The following TECPR2 variants were observed in gnomAD, a reference collection of about 807,000 sequenced individuals.
The protein encoded by TECPR2 is tectonin beta-propeller repeat-containing protein 2.
Under a neutral mutation model 138.1 loss-of-function variants are expected in TECPR2, and 65 were observed. The ratio of observed to expected loss-of-function variants is 0.47; its 90% CI spans 0.39 to 0.58. TECPR2 has a LOEUF of 0.58. Among genes scored for constraint, TECPR2 ranks in the 20% least tolerant of loss-of-function variants. TECPR2 has a pLI of 0.00. For synonymous variants in TECPR2, 746 were observed against 749.8 expected (o/e 0.99, Z 0.08); for missense variants, 1,553 against 1,824.5 (o/e 0.85, Z 2.71).
At chr14:102,440,062 A>C (rs1714678826) in intron 10 of TECPR2, among the ~76,000 whole-genome samples, 1 of 152,254 alleles carries the variant, frequency 6.6e-6, no homozygotes, top group South Asian at 2.1e-4. Flanking sequence ...GAGACTTATC[A>C]AACCTAATAA....
At chr14:102,435,437 C>A (rs1302181561) in intron 9 of TECPR2, among the ~76,000 whole-genome samples, 1 of 152,228 alleles carries the variant, frequency 6.6e-6, no homozygotes, top group African/African-American at 2.4e-5. Flanking sequence ...TAACCTGCCT[C>A]CCCAACCAAG....
chr14:102,425,720 C>T (rs368555500), intron 6 of TECPR2, among the ~76,000 whole-genome samples: 1 of 149,682 alleles, frequency 6.7e-6, no homozygotes, highest in East Asian at 2.0e-4. Context: ...GGATTACAGA[C>T]GCATGCCACC....
intron 2 of TECPR2, among the ~76,000 whole-genome samples, chr14:102,381,712 A>G (rs1000012304): frequency 9.9e-5 from 15 of 152,268 alleles, no homozygotes; most frequent in African/African-American, 2.9e-4. Context: ...GACCTGCTCT[A>G]AAGTCATTGC....
chr14:102,496,923 TCCTTTCTCTTGTCA>T, intron 17 of TECPR2, 42 bp from the exon 18 acceptor site: 1 of 1,596,750 alleles, frequency 6.3e-7, no homozygotes, highest in Admixed American at 1.7e-5. Flanking sequence ...AAGTCTCCTG[TCCTTTCTCTTGTCA>T]CCCAACTCCT....
chr14:102,480,451 C>G (rs28464871), intron 17 of TECPR2, among the ~76,000 whole-genome samples: 13,129 of 152,082 alleles, frequency 0.086, 721 homozygotes, highest in African/African-American at 0.17. Context: ...GTCTCGATCT[C>G]CTGACCTTGT....
intron 17 of TECPR2, among the ~76,000 whole-genome samples, chr14:102,486,461 A>C (rs1891028449): frequency 6.6e-6 from 1 of 152,180 alleles, no homozygotes; most frequent in Admixed American, 6.5e-5. Flanking sequence ...ACAAAATACA[A>C]AAAACACTCC....
intron 5 of TECPR2, among the ~76,000 whole-genome samples, chr14:102,418,761 G>A (rs890509747): frequency 7.9e-5 from 12 of 152,208 alleles, no homozygotes; most frequent in Admixed American, 3.3e-4. Flanking sequence ...TGGGTGATCC[G>A]GGTAGGAGAA....
Position 102,497,606 on chromosome 14 carries a change from C to T in TECPR2, c.3968C>T (p.Thr1323Ile), listed in dbSNP as rs1247477919. The T allele has an allele frequency of 6.2e-7, 1 of 1,608,410 alleles. No individual in the cohort carries two copies. Among genetic ancestry groups the T allele is most frequent in the Non-Finnish European group, 8.5e-7 (1 of 1,177,922 alleles). The stretch of plus-strand genomic sequence containing the variant: ...TGCCAGCTGGCGCTGAGCACCAGGA[C>T]CGTGTGGGCCCGCTGTCCAAACGGA... ...QACQLALSTR[T>I]VWARCPNGDL... The change falls in exon 19 of 20, where the codon ACC becomes ATC. Residue 1323 changes from threonine (T) to isoleucine (I), a missense_variant. Physicochemically the swap from Thr to Ile is moderately conservative, Grantham distance 89. Transcript: ENST00000359520.
intron 9 of TECPR2, among the ~76,000 whole-genome samples, chr14:102,435,516 T>C (rs1889642316): frequency 6.6e-6 from 1 of 152,194 alleles, no homozygotes; most frequent in Non-Finnish European, 1.5e-5. Context: ...TTAGCCATCG[T>C]AGGGCAGGGC....
Position 102,449,639 on chromosome 14 carries a change from C to G in TECPR2, c.3086C>G (p.Thr1029Arg). Residue 1029 changes from threonine (T) to arginine (R), a missense_variant, in exon 14 of 20, where the codon ACG becomes AGG. Physicochemically the swap from Thr to Arg is moderately conservative, Grantham distance 71. Coordinates refer to ENST00000359520, the MANE Select transcript of TECPR2 (RefSeq NM_014844.5). ...GTCTCCTCCTTCCAGGTGAGCATCACGGACTATGTGGTGTTTGACCAGTGC... is the reference window on the plus strand; with the variant it reads ...GTCTCCTCCTTCCAGGTGAGCATCAGGGACTATGTGGTGTTTGACCAGTGC... ...DDDHWWQVSITDYVVFDQCSL... is the reference protein window; with the variant it reads ...DDDHWWQVSIRDYVVFDQCSL... The G allele has an allele frequency of 6.2e-7, 1 of 1,614,096 alleles. No homozygotes were observed. Among genetic ancestry groups the G allele is most frequent in the Non-Finnish European group, 8.5e-7 (1 of 1,179,986 alleles).
chr14:102,422,462 C>T (rs921366268), intron 5 of TECPR2, among the ~76,000 whole-genome samples: 10 of 152,126 alleles, frequency 6.6e-5, no homozygotes, highest in African/African-American at 2.2e-4. Context: ...CTGAGTAGGA[C>T]GTACTGTACC....
Position 102,498,529 on chromosome 14 carries a change from T to G in TECPR2, c.*272T>G. 1.9e-6 allele frequency: 1 copy of G among 527,536 alleles called. No homozygotes were observed. 32.7% of individuals were successfully genotyped at this position (527,536 alleles called of 1,614,324 possible). On this transcript the variant is annotated 3_prime_UTR_variant, in exon 20 of 20. Coordinates refer to ENST00000359520, the MANE Select transcript of TECPR2 (RefSeq NM_014844.5). The stretch of plus-strand genomic sequence containing the variant: ...GCTGCATGCACTCCGATTACCCACG[T>G]GCTGCCGTCCTGGTCTCATCCACAG...
At chr14:102,388,546 T>G (rs976587703) in intron 2 of TECPR2, among the ~76,000 whole-genome samples, 12 of 151,350 alleles carry the variant, frequency 7.9e-5, no homozygotes, top group Non-Finnish European at 1.8e-4. Context: ...ATACAAAAAT[T>G]GGCTGGGCGC....
intron 16 of TECPR2, among the ~76,000 whole-genome samples, chr14:102,460,868 T>G (rs1890392164): frequency 6.6e-6 from 1 of 151,832 alleles, no homozygotes. Flanking sequence ...CTAATTTTTT[T>G]GTATTTTTAG....
intron 11 of TECPR2, among the ~76,000 whole-genome samples, chr14:102,442,375 G>A (rs1889858954): frequency 6.6e-6 from 1 of 152,218 alleles, no homozygotes. Flanking sequence ...AAGAACCTCT[G>A]GCCTGGGTGC....
chr14:102,379,792 C>T (rs1350744246), intron 2 of TECPR2, among the ~76,000 whole-genome samples: 5 of 149,120 alleles, frequency 3.4e-5, no homozygotes, highest in Non-Finnish European at 5.9e-5. Flanking sequence ...CCTAGTCACA[C>T]TGCTAAAGAT....
At position 102,415,970 on chromosome 14, in the gene TECPR2, G is replaced by A. The variant is rs72700604; in HGVS notation, c.638+1177G>A. On this transcript the variant is annotated intron_variant, in intron 5 of 19. Transcript: ENST00000359520. This position sits in a 1 kb window ranked among gnomAD's most constrained non-coding sequence, Gnocchi z 4.3. ...TGAGGCGGAGCCAGCCCCTGTGGTC[G>A]TAGTCACTGCCCGTTATTCTGTGTT... Among the ~76,000 whole-genome samples the A allele has an allele frequency of 0.26, 39,897 of 152,042 alleles. 6,125 individuals carry two copies. Among genetic ancestry groups the A allele is most frequent in the East Asian group, 0.47 (2,410 of 5,166 alleles).
At chr14:102,482,806 C>T (rs1399714716) in intron 17 of TECPR2, among the ~76,000 whole-genome samples, 3 of 151,444 alleles carry the variant, frequency 2.0e-5, no homozygotes, top group African/African-American at 7.3e-5. Context: ...CTCTCGGCTT[C>T]CAGGATTGCT....
At chr14:102,458,966 C>CATATATAT (rs3068229) in intron 16 of TECPR2, among the ~76,000 whole-genome samples, 111 of 138,376 alleles carry the variant, frequency 8.0e-4, no homozygotes, top group South Asian at 3.2e-3. Context: ...AAAATACACA[C>CATATATAT]ATATATATAT....
Sources: allele counts gnomAD v4.1 joint callset (sites outside exome capture counted in the v4.1 genomes callset), GRCh38; gene constraint gnomAD v4.1.1; non-coding constraint Gnocchi (gnomAD v3.1); transcripts MANE v1.5; gene names NCBI Gene and HGNC (gene_info 2026-07-23, HGNC 2026-07-21).